The following NARS1 variants were observed in gnomAD, a reference collection of about 807,000 sequenced individuals.
The protein encoded by NARS1 is asparagine--tRNA ligase, cytoplasmic.
In NARS1, 65 loss-of-function variants were observed where a neutral mutation model predicts 79.2. That is an observed-to-expected ratio of 0.82 (90% CI 0.67 to 1.01). The LOEUF is 1.01. Among genes scored for constraint, NARS1 ranks in the 50% least tolerant of loss-of-function variants. NARS1 has a pLI of 0.00. For missense variants in NARS1, 649 were observed against 673.8 expected (o/e 0.96, Z 0.41); for synonymous variants, 229 against 238.8 (o/e 0.96, Z 0.38).
chr18:57,620,157 T>C (rs1255554073), intron 2 of NARS1, among the ~76,000 whole-genome samples: 1 of 152,144 alleles, frequency 6.6e-6, no homozygotes, highest in Non-Finnish European at 1.5e-5. Context: ...AATCCATTCT[T>C]GGTGGTCTTG....
chr18:57,603,242 C>T (rs2051525447), intron 11 of NARS1, among the ~76,000 whole-genome samples: 1 of 151,948 alleles, frequency 6.6e-6, no homozygotes, highest in Non-Finnish European at 1.5e-5. Context: ...AAAAGCCAGC[C>T]CCAAGCTGTG....
chr18:57,607,133 C>T lies in NARS1; in HGVS notation c.1001+1G>A, dbSNP rs1422260926. Reference sequence around the variant, plus strand: ...AATAAAACAAAAAGACAACTTCATACTCAGCCAGGTGCCTTCGTGTTCTGG... The same window carrying T: ...AATAAAACAAAAAGACAACTTCATATTCAGCCAGGTGCCTTCGTGTTCTGG... On this transcript the variant is annotated splice_donor_variant, in intron 9 of 13. Transcript: ENST00000256854. LOFTEE classifies it high-confidence loss of function. 10 of 1,608,306 alleles carry T rather than the reference C, an allele frequency of 6.2e-6. No individual in the cohort carries two copies. The highest frequency in any genetic ancestry group is 8.5e-6 in the Non-Finnish European group (10 of 1,176,784).
rs757774331 is a variant in NARS1, at chr18:57,613,667, G to A, written c.356C>T (p.Ala119Val). The change falls in exon 5 of 14, where the codon GCG (alanine) becomes GTG (valine). Residue 119 changes from alanine to valine, a missense_variant. By Grantham distance (64) the Ala-to-Val change is moderately conservative. Coordinates refer to ENST00000256854, the MANE Select transcript of NARS1 (RefSeq NM_004539.4). ...TCTTTGGCCTCTATATCCTTCTAACGCACCAATCTTCACCTGTCAAATTGA... is the reference window on the plus strand; with the variant it reads ...TCTTTGGCCTCTATATCCTTCTAACACACCAATCTTCACCTGTCAAATTGA... ...LPEPKCVKIG[A>V]LEGYRGQRVK... 3.1e-6 allele frequency: 5 copies of A among 1,613,556 alleles called. No homozygotes were observed. The highest frequency in any genetic ancestry group is 3.4e-6 in the Non-Finnish European group (4 of 1,179,662).
In NARS1 at chr18:57,601,569, A is replaced by C; in HGVS notation, c.*83T>G. On this transcript the variant is annotated 3_prime_UTR_variant, in exon 14 of 14. Transcript: ENST00000256854. Reference sequence around the variant, plus strand: ...AAGAGAAACCCCAATGAAACAAAAAAAGGAAGATTCTGGCTTTTTGTTTTC... The same window carrying C: ...AAGAGAAACCCCAATGAAACAAAAACAGGAAGATTCTGGCTTTTTGTTTTC... 1 of 1,387,098 alleles carries C rather than the reference A, an allele frequency of 7.2e-7. No individual in the cohort carries two copies. Among genetic ancestry groups the C allele is most frequent in the Non-Finnish European group, 9.7e-7 (1 of 1,028,818 alleles). The allele number at this position is 1,387,098 out of a possible 1,614,324, so 85.9% of individuals were successfully genotyped here. A position where few individuals can be genotyped will look rare whatever the true frequency, so the allele number is the denominator to read the frequency against.
intron 6 of NARS1, among the ~76,000 whole-genome samples, chr18:57,610,237 C>T (rs1364283232): frequency 6.6e-6 from 1 of 151,954 alleles, no homozygotes; most frequent in African/African-American, 2.4e-5. Flanking sequence ...TTTCGGAGGC[C>T]GAGGCGGGTG....
intron 9 of NARS1, 111 bp downstream of exon 9, chr18:57,607,023 T>A: frequency 8.4e-7 from 1 of 1,190,258 alleles, no homozygotes; most frequent in Non-Finnish European, 1.2e-6. Context: ...CATTAACCAC[T>A]TAATATATCA....
At position 57,607,684 on chromosome 18, in the gene NARS1, G is replaced by A; in HGVS notation, c.580-19C>T. On this transcript the variant is annotated intron_variant, in intron 7 of 13. Transcript: ENST00000256854. ...CTGGAGCCTGCATTTTTTAAAAGTGGGGTCCAGAGAAAGAGGGAAAAGGAA... is the reference window on the plus strand; with the variant it reads ...CTGGAGCCTGCATTTTTTAAAAGTGAGGTCCAGAGAAAGAGGGAAAAGGAA... 2 of 1,585,992 alleles carry A rather than the reference G, an allele frequency of 1.3e-6. No individual in the cohort carries two copies. The highest frequency in any genetic ancestry group is 1.7e-6 in the Non-Finnish European group (2 of 1,161,200).
At chr18:57,605,792 T>C (rs2051549950) in intron 11 of NARS1, 65 bp downstream of exon 11, 2 of 1,086,086 alleles carry the variant, frequency 1.8e-6, no homozygotes, top group Admixed American at 2.2e-5. Context: ...ACTAGTTCAT[T>C]AACCAGAAGA....
At chr18:57,602,611 AT>A (rs2051518441) in intron 12 of NARS1, 125 bp from the exon 13 acceptor site, 2 of 1,270,342 alleles carry the variant, frequency 1.6e-6, no homozygotes, top group East Asian at 2.5e-5. Flanking sequence ...TGATCATGTA[AT>A]ATTCAAATGT....
chr18:57,611,567 GTA>G, intron 6 of NARS1, 68 bp downstream of exon 6: 1 of 1,006,472 alleles, frequency 9.9e-7, no homozygotes, highest in East Asian at 2.8e-5. Flanking sequence ...TTAAATAAAT[GTA>G]TACAAAACAA....
intron 7 of NARS1, among the ~76,000 whole-genome samples, chr18:57,608,742 G>C (rs946302370): frequency 2.6e-5 from 4 of 152,208 alleles, no homozygotes; most frequent in African/African-American, 9.7e-5. Context: ...TTAATATTAA[G>C]AGTCAACCTG....
In NARS1 at chr18:57,621,689, TA is replaced by T; in HGVS notation, c.10+18del. 1 of 1,611,012 alleles carries T rather than the reference TA, an allele frequency of 6.2e-7. No homozygotes were observed. Among genetic ancestry groups the T allele is most frequent in the Non-Finnish European group, 8.5e-7 (1 of 1,177,644 alleles). On this transcript the variant is annotated intron_variant, in intron 1 of 13. Transcript: ENST00000256854. The stretch of plus-strand genomic sequence containing the variant: ...GCCCCAGGCAGGGAACACCGCGCCA[TA>T]CACTGAGTCTCACCCACCTAGCACC...
intron 12 of NARS1, 36 bp from the exon 13 acceptor site, chr18:57,602,522 A>G (rs1427136299): frequency 1.9e-6 from 3 of 1,610,598 alleles, no homozygotes; most frequent in Non-Finnish European, 8.5e-7. Flanking sequence ...CACAATTACT[A>G]TCAAGCGATC....
In NARS1 at chr18:57,621,830, T is replaced by A; in HGVS notation, c.-113A>T. On this transcript the variant is annotated 5_prime_UTR_variant, in exon 1 of 14. Coordinates refer to ENST00000256854, the MANE Select transcript of NARS1 (RefSeq NM_004539.4). The stretch of plus-strand genomic sequence containing the variant: ...GATTCCGGCGTTGCATCAGAGAGCG[T>A]AGATCTGAGGGCGCCTGCGAGAATC... 1 of 1,578,252 alleles carries A rather than the reference T, an allele frequency of 6.3e-7. No homozygotes were observed.
At chr18:57,613,532 T>C (rs72942215) in intron 5 of NARS1, 70 bp downstream of exon 5, 246,824 of 1,347,928 alleles carry the variant, frequency 0.18, 24,301 homozygotes, top group Non-Finnish European at 0.2. Flanking sequence ...TGCAAATCTT[T>C]GTATGTTTTT....
chr18:57,607,030 A>G (rs2051563682), intron 9 of NARS1, 104 bp downstream of exon 9: 34 of 1,231,602 alleles, frequency 2.8e-5, no homozygotes, highest in Non-Finnish European at 3.7e-5. Context: ...CACTTAATAT[A>G]TCAGTTGGTT....
chr18:57,620,771 A>G (rs1908266127), intron 1 of NARS1, 120 bp from the exon 2 acceptor site: 2 of 546,744 alleles, frequency 3.7e-6, no homozygotes, highest in Non-Finnish European at 3.3e-6. Context: ...ATTGAGGTCC[A>G]TAAGTAATTA....
intron 6 of NARS1, among the ~76,000 whole-genome samples, 194 bp from the exon 7 acceptor site, chr18:57,609,637 A>G (rs1272211069): frequency 6.6e-6 from 1 of 152,250 alleles, no homozygotes; most frequent in Non-Finnish European, 1.5e-5. Context: ...ATATATAGAC[A>G]TATACATGTA....
intron 2 of NARS1, among the ~76,000 whole-genome samples, chr18:57,619,372 T>A (rs957830528): frequency 6.7e-6 from 1 of 150,166 alleles, no homozygotes; most frequent in East Asian, 1.9e-4. Flanking sequence ...ATTTTTTAAA[T>A]TAAATTTATT....
Sources: gnomAD v4.1 joint callset for allele counts (sites outside exome capture counted in the v4.1 genomes callset) on GRCh38, gnomAD v4.1.1 for gene constraint, MANE v1.5 for transcripts, NCBI Gene and HGNC (gene_info 2026-07-23, HGNC 2026-07-21) for gene names.